Variants in CNTLN observed in about 807,000 individuals in gnomAD.
The protein encoded by CNTLN is centlein.
A neutral mutation model predicts 180.0 loss-of-function variants in CNTLN; 212 were observed. That is an observed-to-expected ratio of 1.18 (90% CI 1.05 to 1.32). The LOEUF is 1.32. CNTLN is among the 40% of genes most tolerant of loss of function. The pLI is 0.00. For synonymous variants in CNTLN, 722 were observed against 563.1 expected (o/e 1.28, Z -3.99); for missense variants, 2,095 against 1,610.9 (o/e 1.30, Z -5.14).
chr9:17,135,716 C>G (rs555339936), intron 1 of CNTLN, among the ~76,000 whole-genome samples: 11 of 152,220 alleles, frequency 7.2e-5, no homozygotes, highest in Admixed American at 4.6e-4. Context: ...CCGCTTCCCC[C>G]CCAAGCCCAA....
intron 6 of CNTLN, among the ~76,000 whole-genome samples, chr9:17,290,293 T>A (rs1364546238): frequency 6.6e-6 from 1 of 151,782 alleles, no homozygotes; most frequent in Non-Finnish European, 1.5e-5. Context: ...CTGCCCCTGC[T>A]GGGGGGTGCC....
chr9:17,403,461 A>C (rs1018832038), intron 15 of CNTLN, among the ~76,000 whole-genome samples: 1 of 151,678 alleles, frequency 6.6e-6, no homozygotes, highest in African/African-American at 2.4e-5. Flanking sequence ...CCCAAAAAAA[A>C]GCTTCATTCT....
intron 6 of CNTLN, among the ~76,000 whole-genome samples, chr9:17,295,310 C>T (rs559646839): frequency 2.6e-5 from 4 of 152,172 alleles, no homozygotes; most frequent in African/African-American, 9.6e-5. Context: ...GCTGCTCAAG[C>T]GCCGCCAGAG....
chr9:17,199,598 G>T (rs1029273230), intron 2 of CNTLN, among the ~76,000 whole-genome samples: 5 of 152,166 alleles, frequency 3.3e-5, no homozygotes, highest in Non-Finnish European at 7.4e-5. Context: ...GACCAGAGAT[G>T]ATGAGCTTTT....
chr9:17,401,644 A>C (rs1220180396), intron 15 of CNTLN, among the ~76,000 whole-genome samples: 1 of 151,802 alleles, frequency 6.6e-6, no homozygotes, highest in Non-Finnish European at 1.5e-5. Context: ...AAGTATTTGG[A>C]TTACAGATGC....
chr9:17,459,638 A>G (rs1831340773), intron 19 of CNTLN, among the ~76,000 whole-genome samples: 1 of 151,674 alleles, frequency 6.6e-6, no homozygotes, highest in South Asian at 2.1e-4. Flanking sequence ...TATTATTCTC[A>G]CAGTTCTGAA....
intron 12 of CNTLN, among the ~76,000 whole-genome samples, chr9:17,356,340 AT>A (rs1350105892): frequency 5.3e-5 from 8 of 152,192 alleles, no homozygotes; most frequent in African/African-American, 1.9e-4. Context: ...TCATCTGTTA[AT>A]TATCCCTAGG....
intron 12 of CNTLN, among the ~76,000 whole-genome samples, chr9:17,354,298 C>T (rs1340266031): frequency 6.6e-6 from 1 of 152,212 alleles, no homozygotes; most frequent in Non-Finnish European, 1.5e-5. Context: ...TCCCGTAGAC[C>T]ACCTAAGGGC....
At chr9:17,492,132 G>T (rs1833194020) in intron 25 of CNTLN, among the ~76,000 whole-genome samples, 1 of 151,894 alleles carries the variant, frequency 6.6e-6, no homozygotes, top group Admixed American at 6.6e-5. Flanking sequence ...TCACAGCCTT[G>T]CTGTTTTTTT....
intron 18 of CNTLN, among the ~76,000 whole-genome samples, chr9:17,440,782 T>G (rs1055621233): frequency 6.6e-6 from 1 of 152,140 alleles, no homozygotes; most frequent in Non-Finnish European, 1.5e-5. Flanking sequence ...TACTAACATA[T>G]GTTACAATAT....
the CNTLN span, among the ~76,000 whole-genome samples, chr9:17,512,001 C>T: frequency 6.6e-6 from 1 of 152,204 alleles, no homozygotes; most frequent in Non-Finnish European, 1.5e-5. Flanking sequence ...AGGTCTGTCA[C>T]ATAAAGATGC....
At chr9:17,280,030 C>G (rs1587469521) in intron 6 of CNTLN, among the ~76,000 whole-genome samples, 1 of 152,256 alleles carries the variant, frequency 6.6e-6, no homozygotes. Context: ...GAAGAAGGTC[C>G]TCAGCAGATG....
At chr9:17,350,899 A>G (rs1822306955) in intron 12 of CNTLN, among the ~76,000 whole-genome samples, 1 of 152,204 alleles carries the variant, frequency 6.6e-6, no homozygotes, top group Admixed American at 6.5e-5. Context: ...AACATATGTC[A>G]TATATAACAC....
At chr9:17,484,226 T>G in intron 23 of CNTLN, 69 bp from the exon 24 acceptor site, 7 of 1,233,048 alleles carry the variant, frequency 5.7e-6, no homozygotes, top group Non-Finnish European at 7.9e-6. Flanking sequence ...CTTCATATTT[T>G]TATGTTATTA....
intron 2 of CNTLN, among the ~76,000 whole-genome samples, chr9:17,219,178 A>G (rs1823963703): frequency 6.6e-6 from 1 of 151,622 alleles, no homozygotes; most frequent in South Asian, 2.1e-4. Context: ...AGTGGTTCTA[A>G]TTAGCTAAAC....
chr9:17,507,785 A>G (rs1054695590), downstream of CNTLN, among the ~76,000 whole-genome samples: 2 of 152,192 alleles, frequency 1.3e-5, no homozygotes, highest in African/African-American at 4.8e-5. Flanking sequence ...AATGGTAGAC[A>G]CTACAAACAC....
At chr9:17,213,426 T>G (rs1212852813) in intron 2 of CNTLN, among the ~76,000 whole-genome samples, 2 of 152,230 alleles carry the variant, frequency 1.3e-5, no homozygotes, top group African/African-American at 4.8e-5. Flanking sequence ...AGAGACAGTT[T>G]GTTATAATTT....
chr9:17,333,851 A>G (rs1820804481), intron 10 of CNTLN, among the ~76,000 whole-genome samples: 1 of 152,202 alleles, frequency 6.6e-6, no homozygotes, highest in African/African-American at 2.4e-5. Flanking sequence ...CCTCAATAGC[A>G]ATTACTGAGC....
intron 14 of CNTLN, among the ~76,000 whole-genome samples, chr9:17,391,606 A>G (rs555941013): frequency 2.0e-5 from 3 of 152,268 alleles, no homozygotes; most frequent in East Asian, 3.9e-4. Context: ...AAAAAATGCT[A>G]ATTTCCAGAA....
Sources: gnomAD v4.1 joint callset for allele counts (sites outside exome capture counted in the v4.1 genomes callset) on GRCh38, gnomAD v4.1.1 for gene constraint, MANE v1.5 for transcripts, NCBI Gene and HGNC (gene_info 2026-07-23, HGNC 2026-07-21) for gene names.